Variants in CACNA2D1 observed in about 807,000 individuals in gnomAD.
CACNA2D1 encodes the protein voltage-dependent calcium channel subunit alpha-2/delta-1.
Under a neutral mutation model 171.5 loss-of-function variants are expected in CACNA2D1, and 53 were observed. The observed-to-expected ratio is 0.31, with a 90% CI of 0.25 to 0.39. The LOEUF (loss-of-function observed/expected upper bound fraction) is 0.39. Among genes scored for constraint, CACNA2D1 ranks in the 10% least tolerant of loss-of-function variants. The probability of loss-of-function intolerance (pLI) is 1.00; values close to 1 mark genes in which losing one functional copy is unlikely to be tolerated. For synonymous variants in CACNA2D1, 442 were observed against 443.1 expected (o/e 1.00, Z 0.03); for missense variants, 903 against 1,299.8 (o/e 0.69, Z 4.69).
At chr7:82,310,598 A>G (rs1814331340) in intron 3 of CACNA2D1, among the ~76,000 whole-genome samples, 1 of 152,030 alleles carries the variant, frequency 6.6e-6, no homozygotes, top group South Asian at 2.1e-4. Context: ...TTCATATACT[A>G]TTAATAAGAA....
intron 1 of CACNA2D1, among the ~76,000 whole-genome samples, chr7:82,394,287 CAAA>C (rs1825538558): frequency 6.9e-6 from 1 of 143,982 alleles, no homozygotes; most frequent in Non-Finnish European, 1.5e-5. Context: ...AGAAAAATGA[CAAA>C]AAGGAAAAAG....
chr7:82,351,215 T>A (rs989400066), intron 1 of CACNA2D1, among the ~76,000 whole-genome samples: 5 of 151,978 alleles, frequency 3.3e-5, no homozygotes, highest in African/African-American at 1.2e-4. Flanking sequence ...GTATGTCTTC[T>A]CTTCCTTAGG....
chr7:82,125,539 T>C (rs1790234348), intron 5 of CACNA2D1, among the ~76,000 whole-genome samples: 1 of 152,180 alleles, frequency 6.6e-6, no homozygotes, highest in Non-Finnish European at 1.5e-5. Context: ...TTGCTAGCTT[T>C]TTTTTCCCCT....
At chr7:82,431,344 T>C (rs1563543774) in intron 1 of CACNA2D1, among the ~76,000 whole-genome samples, 1 of 152,208 alleles carries the variant, frequency 6.6e-6, no homozygotes. Flanking sequence ...TAATGAAGCC[T>C]GGCTATTAAA....
At chr7:82,385,307 A>C (rs989330673) in intron 1 of CACNA2D1, among the ~76,000 whole-genome samples, 15 of 152,358 alleles carry the variant, frequency 9.8e-5, no homozygotes, top group Admixed American at 2.6e-4. Flanking sequence ...AGGAATTATT[A>C]GTTATTTAGA....
At chr7:82,264,379 A>G (rs2129337872) in intron 3 of CACNA2D1, among the ~76,000 whole-genome samples, 1 of 152,264 alleles carries the variant, frequency 6.6e-6, no homozygotes, top group Admixed American at 6.5e-5. Context: ...ATGACTATAG[A>G]TACTCACTTA....
chr7:82,218,846 T>C (rs1186207387), intron 3 of CACNA2D1, among the ~76,000 whole-genome samples: 1 of 151,960 alleles, frequency 6.6e-6, no homozygotes, highest in Non-Finnish European at 1.5e-5. Flanking sequence ...ACTCATGCAT[T>C]AATTAAAATA....
chr7:82,060,160 TATATAA>T, intron 10 of CACNA2D1, among the ~76,000 whole-genome samples: 1 of 34,660 alleles, frequency 2.9e-5, no homozygotes, highest in South Asian at 9.2e-4. Flanking sequence ...GTATTATATA[TATATAA>T]TATATATATA....
intron 3 of CACNA2D1, 61 bp from the exon 4 acceptor site, chr7:82,170,670 A>ACTACTAGCTGTGCAACCTTGGGAAAAGTT (rs1584989909): frequency 1.4e-6 from 2 of 1,448,714 alleles, no homozygotes; most frequent in East Asian, 4.6e-5. Context: ...ATTGTTATAT[A>ACTACTAGCTGTGCAACCTTGGGAAAAGTT]AAATGCTTGC....
chr7:82,294,415 A>C (rs777833802), intron 3 of CACNA2D1, among the ~76,000 whole-genome samples: 1 of 151,928 alleles, frequency 6.6e-6, no homozygotes, highest in Non-Finnish European at 1.5e-5. Flanking sequence ...TCACACTTGC[A>C]ATTTCTATAT....
intron 24 of CACNA2D1, 113 bp from the exon 25 acceptor site, chr7:81,974,665 T>A: frequency 1.6e-6 from 1 of 625,618 alleles, no homozygotes. Flanking sequence ...CTTTGCAAAC[T>A]ATTGAGCTTC....
chr7:81,995,732 G>A (rs1222908522), intron 19 of CACNA2D1, among the ~76,000 whole-genome samples: 1 of 150,808 alleles, frequency 6.6e-6, no homozygotes, highest in Non-Finnish European at 1.5e-5. Context: ...CCAGGAGGTG[G>A]AGGTTGCAGT....
chr7:82,060,178 A>AC (rs1491430009), intron 10 of CACNA2D1, among the ~76,000 whole-genome samples: 1 of 15,920 alleles, frequency 6.3e-5, no homozygotes, highest in African/African-American at 1.7e-4. Context: ...ATATATATAT[A>AC]ATATATATAT....
intron 3 of CACNA2D1, among the ~76,000 whole-genome samples, chr7:82,272,465 T>G (rs897548856): frequency 6.6e-6 from 1 of 152,122 alleles, no homozygotes; most frequent in African/African-American, 2.4e-5. Context: ...TAGCATAAAG[T>G]AGAAAGGATA....
chr7:82,119,504 C>G (rs1789468668), intron 5 of CACNA2D1, among the ~76,000 whole-genome samples: 1 of 152,056 alleles, frequency 6.6e-6, no homozygotes, highest in Non-Finnish European at 1.5e-5. Flanking sequence ...TTGACAGGTA[C>G]AAAAAGCTCT....
chr7:82,300,279 T>C (rs1451601006), intron 3 of CACNA2D1, among the ~76,000 whole-genome samples: 1 of 151,848 alleles, frequency 6.6e-6, no homozygotes, highest in South Asian at 2.1e-4. Flanking sequence ...GACTGAAGCA[T>C]TGTAATGGGT....
chr7:81,956,632 T>A (rs186101433), intron 38 of CACNA2D1, among the ~76,000 whole-genome samples: 44 of 152,226 alleles, frequency 2.9e-4, no homozygotes, highest in Non-Finnish European at 4.7e-4. Flanking sequence ...AGAAGACTTG[T>A]GGTTATTTTC....
Position 82,068,215 on chromosome 7 carries a change from C to T in CACNA2D1, c.659-1691G>A, listed in dbSNP as rs1010809927. On this transcript the variant is annotated intron_variant, in intron 7 of 38. Coordinates refer to ENST00000356860, the MANE Select transcript of CACNA2D1 (RefSeq NM_000722.4). ...CAGCAACATGGCCAGCTTCACCAGG[C>T]TCAGGCTCTAATTTTGTCACCTGTA... 2.0e-5 allele frequency among the ~76,000 whole-genome samples: 3 copies of T among 152,208 alleles called. No individual in the cohort carries two copies. The South Asian group carries it at 6.2e-4, about 32-fold the overall frequency.
At chr7:82,348,373 A>AT (rs200075306) in intron 2 of CACNA2D1, among the ~76,000 whole-genome samples, 2,144 of 150,194 alleles carry the variant, frequency 0.014, 41 homozygotes, top group East Asian at 0.083. Context: ...AGTAATCGAG[A>AT]TTTTTTTTTT....
Sources: allele counts gnomAD v4.1 joint callset (sites outside exome capture counted in the v4.1 genomes callset), GRCh38; gene constraint gnomAD v4.1.1; transcripts MANE v1.5; gene names NCBI Gene and HGNC (gene_info 2026-07-23, HGNC 2026-07-21).